The following RIF1 variants were observed in gnomAD, a reference collection of about 807,000 sequenced individuals.
RIF1 encodes the protein telomere-associated protein RIF1.
RIF1 carries 45 observed loss-of-function variants against 247.1 expected under a neutral mutation model. The observed-to-expected ratio is 0.18, with a 90% confidence interval of 0.14 to 0.23. The LOEUF is 0.23. Among genes scored for constraint, RIF1 ranks in the 10% least tolerant of loss-of-function variants. The pLI is 1.00. For synonymous variants in RIF1, 1,087 were observed against 978.8 expected (o/e 1.11, Z -2.06); for missense variants, 2,967 against 2,862.5 (o/e 1.04, Z -0.83).
rs1031819791 is a variant in RIF1, at chr2:151,415,061, A to T, written c.280+142A>T. On this transcript the variant is annotated intron_variant, in intron 4 of 35. Coordinates refer to ENST00000444746, the MANE Select transcript of RIF1 (RefSeq NM_018151.5). ...TTTAAGGTTTGCTTTTAAGAAAGAA[A>T]GAATGGCTGGGTGTGGTGGCTCACG... The T allele has an allele frequency of 5.5e-5, 33 of 604,604 alleles. 1 individual carries two copies. The Admixed American group carries it at 9.3e-4, about 17-fold the overall frequency. The allele number at this position is 604,604 out of a possible 1,614,324, so 37.5% of individuals were successfully genotyped here.
rs1347584296 is a variant in RIF1 at position 151,466,000 on chromosome 2, C to T, written c.6480C>T (p.Asp2160=). The change falls in exon 30 of 36, where the codon GAC becomes GAT. Residue 2160 remains aspartate, a synonymous_variant. Coordinates refer to ENST00000444746, the MANE Select transcript of RIF1 (RefSeq NM_018151.5). ...ATCCTTCACTTGTGTCAGCAAATGA[C>T]AGTCCTAGTGGCATGCAGACACGCT... The part of the protein sequence containing the change: ...ELDPSLVSAN[D]SPSGMQTRCV... 2.5e-6 allele frequency: 4 copies of T among 1,613,924 alleles called. No individual in the cohort carries two copies. In the East Asian group the frequency reaches 8.9e-5, roughly 36 times the overall value.
intron 3 of RIF1, among the ~76,000 whole-genome samples, chr2:151,411,785 C>T (rs995385636): frequency 6.6e-6 from 1 of 152,200 alleles, no homozygotes; most frequent in Non-Finnish European, 1.5e-5. Flanking sequence ...TTATAATACT[C>T]TTTATTGTTA....
intron 9 of RIF1, among the ~76,000 whole-genome samples, chr2:151,431,656 A>G (rs1038223652): frequency 2.0e-5 from 3 of 152,166 alleles, no homozygotes; most frequent in Admixed American, 2.0e-4. Context: ...GCATGGTGGC[A>G]CATGCCTGTA....
intron 12 of RIF1, chr2:151,503,297 G>T (rs759091588): frequency 5.6e-5 from 73 of 1,313,948 alleles, no homozygotes; most frequent in Non-Finnish European, 7.2e-5. Flanking sequence ...ATGGGTTATT[G>T]TGGTAAATTT....
intron 34 of RIF1, among the ~76,000 whole-genome samples, chr2:151,470,618 T>C (rs1223099152): frequency 6.6e-6 from 1 of 152,174 alleles, no homozygotes; most frequent in Non-Finnish European, 1.5e-5. Flanking sequence ...GTAGGCATAC[T>C]CAACCTGTAT....
At chr2:151,421,982 C>G (rs1688254592) in intron 7 of RIF1, among the ~76,000 whole-genome samples, 1 of 151,962 alleles carries the variant, frequency 6.6e-6, no homozygotes, top group Admixed American at 6.6e-5. Flanking sequence ...CAGGCACCTG[C>G]AACCATGCCC....
At chr2:151,467,857 C>T in intron 30 of RIF1, 143 bp from the exon 31 acceptor site, 1 of 660,178 alleles carries the variant, frequency 1.5e-6, no homozygotes, top group Non-Finnish European at 2.5e-6. Flanking sequence ...AAGGCAGTCG[C>T]TAGGAACTGT....
chr2:151,421,782 C>T (rs1033135003), intron 7 of RIF1, among the ~76,000 whole-genome samples: 15 of 151,732 alleles, frequency 9.9e-5, no homozygotes, highest in African/African-American at 3.4e-4. Flanking sequence ...CACAGTAACT[C>T]GAGTGTCTCA....
At chr2:151,503,668 A>G (rs1208030171) in intron 12 of RIF1, among the ~76,000 whole-genome samples, 1 of 152,192 alleles carries the variant, frequency 6.6e-6, no homozygotes, top group Non-Finnish European at 1.5e-5. Flanking sequence ...CATTTTCTGT[A>G]ACCACTTAGT....
At chr2:151,530,458 A>G in the RIF1 span, among the ~76,000 whole-genome samples, 1 of 152,348 alleles carries the variant, frequency 6.6e-6, no homozygotes, top group East Asian at 1.9e-4. Context: ...AGGCCAAAGT[A>G]AACTGTTCCG....
Position 151,465,438 on chromosome 2 carries a change from T to A in RIF1, c.5918T>A (p.Ile1973Asn), listed in dbSNP as rs184606412. The A allele has an allele frequency of 1.2e-6, 2 of 1,613,878 alleles. No individual in the cohort carries two copies. Among genetic ancestry groups the A allele is most frequent in the Non-Finnish European group, 1.7e-6 (2 of 1,179,860 alleles). Residue 1973 changes from isoleucine (I) to asparagine (N), a missense_variant, in exon 30 of 36, where the codon ATT becomes AAT. Physicochemically the swap from Ile to Asn is moderately radical, Grantham distance 149. Transcript: ENST00000444746. ...GCAACTGAGGAATTTAATTCAGATATTAGTCTTTCTGATAATACTACACCT... is the reference window on the plus strand; with the variant it reads ...GCAACTGAGGAATTTAATTCAGATAATAGTCTTTCTGATAATACTACACCT... ...EVATEEFNSD[I>N]SLSDNTTPVK...
chr2:151,446,295 G>C (rs1427560810), intron 19 of RIF1, 131 bp from the exon 20 acceptor site: 1 of 854,972 alleles, frequency 1.2e-6, no homozygotes, highest in Admixed American at 2.5e-5. Context: ...CACTGCACCC[G>C]GCCGTTAGTG....
intron 3 of RIF1, among the ~76,000 whole-genome samples, chr2:151,411,756 A>G (rs1686279759): frequency 6.6e-6 from 1 of 152,200 alleles, no homozygotes; most frequent in African/African-American, 2.4e-5. Context: ...TGAATCTAAA[A>G]TAACAGCAAT....
chr2:151,514,098 T>G, the RIF1 span, among the ~76,000 whole-genome samples: 17 of 152,350 alleles, frequency 1.1e-4, no homozygotes, highest in Middle Eastern at 3.4e-3. Flanking sequence ...GATAATAGAT[T>G]ATGATAACCA....
At chr2:151,474,268 G>A (rs1364699244) in intron 35 of RIF1, among the ~76,000 whole-genome samples, 196 bp downstream of exon 35, 2 of 152,164 alleles carry the variant, frequency 1.3e-5, no homozygotes, top group Non-Finnish European at 2.9e-5. Context: ...CTCCATCAAG[G>A]TCTCAAGGAT....
downstream of RIF1, chr2:151,485,687 G>A (rs535169903): frequency 1.4e-5 from 20 of 1,413,228 alleles, no homozygotes; most frequent in Middle Eastern, 2.4e-4. Context: ...TTAGGTAACA[G>A]TGGAGAGTCT....
the RIF1 span, chr2:151,526,167 C>T: frequency 8.7e-6 from 14 of 1,613,814 alleles, no homozygotes; most frequent in Non-Finnish European, 1.2e-5. Context: ...CCTCAGACAC[C>T]AGGTTGCTGA....
At chr2:151,513,735 T>C in the RIF1 span, 31 of 1,270,822 alleles carry the variant, frequency 2.4e-5, no homozygotes, top group African/African-American at 2.7e-4. Flanking sequence ...ACCTAAATGC[T>C]ACTACTAGGT....
intron 17 of RIF1, 64 bp downstream of exon 17, chr2:151,443,393 A>T (rs1234192596): frequency 3.8e-6 from 5 of 1,310,706 alleles, no homozygotes; most frequent in Non-Finnish European, 5.3e-6. Context: ...GAGATTATTT[A>T]TGTACTATTT....
Sources: allele counts gnomAD v4.1 joint callset (sites outside exome capture counted in the v4.1 genomes callset), GRCh38; gene constraint gnomAD v4.1.1; transcripts MANE v1.5; gene names NCBI Gene and HGNC (gene_info 2026-07-23, HGNC 2026-07-21).